Variants in FER observed in about 807,000 individuals in gnomAD.
FER encodes the protein FER tyrosine kinase, also known as tyrosine-protein kinase Fer.
In FER, 63 loss-of-function variants were observed where a neutral mutation model predicts 111.0. That is an observed-to-expected ratio of 0.57 (90% CI 0.46 to 0.70). The LOEUF is 0.70. FER is among the 30% of genes least tolerant of loss of function. FER has a pLI of 0.00. For synonymous variants in FER, 327 were observed against 313.9 expected, an observed-to-expected ratio of 1.04 and a Z score of -0.44; for missense variants, 914 against 954.0, an observed-to-expected ratio of 0.96 and a Z score of 0.55.
intron 17 of FER, among the ~76,000 whole-genome samples, chr5:109,118,561 G>C (rs1242598827): frequency 6.6e-6 from 1 of 152,116 alleles, no homozygotes; most frequent in Admixed American, 6.5e-5. Context: ...CTATTGATTG[G>C]AATAGTTTCA....
At chr5:108,992,856 A>G (rs1260235218) in intron 13 of FER, among the ~76,000 whole-genome samples, 3 of 147,648 alleles carry the variant, frequency 2.0e-5, no homozygotes, top group Admixed American at 6.7e-5. Flanking sequence ...CTCACCTCCC[A>G]GACGGGGTCG....
intron 2 of FER, among the ~76,000 whole-genome samples, chr5:108,772,183 G>A (rs1248447944): frequency 2.0e-5 from 3 of 151,934 alleles, no homozygotes; most frequent in Non-Finnish European, 4.4e-5. Flanking sequence ...GTCACCTCCT[G>A]AGGGCCCCTA....
At chr5:108,755,472 A>C (rs1329804511) in intron 1 of FER, among the ~76,000 whole-genome samples, 1 of 152,066 alleles carries the variant, frequency 6.6e-6, no homozygotes, top group Non-Finnish European at 1.5e-5. Context: ...CTCTTCTAGC[A>C]GTGTTCAGGG....
At chr5:109,169,202 A>G (rs1756848695) in intron 17 of FER, among the ~76,000 whole-genome samples, 1 of 152,172 alleles carries the variant, frequency 6.6e-6, no homozygotes, top group South Asian at 2.1e-4. Flanking sequence ...GAGCTACAAG[A>G]AAAGTAGCTA....
intron 17 of FER, among the ~76,000 whole-genome samples, chr5:109,125,805 T>C (rs1751639709): frequency 2.0e-5 from 3 of 152,206 alleles, no homozygotes; most frequent in African/African-American, 4.8e-5. Context: ...TTTTGAGAAA[T>C]AGTTTTAGAA....
chr5:109,086,455 G>A lies in FER; in HGVS notation c.1925-13941G>A, dbSNP rs368235470. ...GAATGGCGGAGAACAGTCTTCCTAG[G>A]TGTTTATCCATTTTATTTAATCTAT... On this transcript the variant is annotated intron_variant, in intron 16 of 19. Transcript: ENST00000281092. Among the ~76,000 whole-genome samples, 6 of 151,524 alleles carry A rather than the reference G, an allele frequency of 4.0e-5. No individual in the cohort carries two copies. In the East Asian group the frequency reaches 7.8e-4, roughly 20 times the overall value.
At position 109,052,204 on chromosome 5, in the gene FER, A is replaced by T; in HGVS notation, c.1924+5006A>T. The T allele has an allele frequency of 5.0e-6, 8 of 1,607,878 alleles. No homozygotes were observed. The South Asian group carries it at 7.7e-5, about 15-fold the overall frequency. On this transcript the variant is annotated intron_variant, in intron 16 of 19. Transcript: ENST00000281092. ...CAGGTACAAGAGTATGGGTACAGACACAAATATGATCTGCAGGACCCAGAA... is the reference window on the plus strand; with the variant it reads ...CAGGTACAAGAGTATGGGTACAGACTCAAATATGATCTGCAGGACCCAGAA...
Position 108,834,435 on chromosome 5 carries a change from T to A in FER, c.382-1273T>A, listed in dbSNP as rs189262195. Among the ~76,000 whole-genome samples the A allele has an allele frequency of 2.7e-3, 411 of 152,198 alleles. 6 individuals carry two copies. The highest frequency in any genetic ancestry group is 9.3e-3 in the African/African-American group (384 of 41,508). On this transcript the variant is annotated intron_variant, in intron 4 of 19. Transcript: ENST00000281092. ...TTTTCTGGCTGGGTGCGGTGGCTCA[T>A]GCCTGTAATCCCAGCACTTTGGGAG...
chr5:108,776,549 A>G (rs1003257251), intron 2 of FER, among the ~76,000 whole-genome samples: 1 of 152,166 alleles, frequency 6.6e-6, no homozygotes, highest in African/African-American at 2.4e-5. Flanking sequence ...ACTTGCATAT[A>G]CCCTTATATT....
intron 3 of FER, among the ~76,000 whole-genome samples, chr5:108,828,597 A>G (rs1759716317): frequency 6.6e-6 from 1 of 151,926 alleles, no homozygotes; most frequent in Non-Finnish European, 1.5e-5. Flanking sequence ...TATTATTGTT[A>G]TTTGCCTATG....
At position 109,104,470 on chromosome 5, in the gene FER, G is replaced by A. The variant is rs148062657; in HGVS notation, c.2048+3951G>A. ...TAATATGACCTGTCAGTATGGGGAC[G>A]ATGATGGGAATAATCAGGGAAACTT... On this transcript the variant is annotated intron_variant, in intron 17 of 19. Coordinates refer to ENST00000281092, the MANE Select transcript of FER (RefSeq NM_005246.4). 3.8e-3 allele frequency among the ~76,000 whole-genome samples: 585 copies of A among 152,244 alleles called. 13 individuals carry two copies. The highest frequency in any genetic ancestry group is 7.3e-4 in the Non-Finnish European group (50 of 68,034).
intron 17 of FER, among the ~76,000 whole-genome samples, chr5:109,170,585 A>G (rs1757004221): frequency 6.6e-6 from 1 of 152,164 alleles, no homozygotes; most frequent in South Asian, 2.1e-4. Flanking sequence ...ATTAGGGATA[A>G]TAGGTTAAGT....
At position 108,808,217 on chromosome 5, in the gene FER, G is replaced by A. The variant is rs188483562; in HGVS notation, c.207+9828G>A. Among the ~76,000 whole-genome samples the A allele has an allele frequency of 3.9e-5, 6 of 151,992 alleles. No individual in the cohort carries two copies. In the East Asian group the frequency reaches 1.2e-3, roughly 29 times the overall value. On this transcript the variant is annotated intron_variant, in intron 3 of 19. Coordinates refer to ENST00000281092, the MANE Select transcript of FER (RefSeq NM_005246.4). Reference sequence around the variant, plus strand: ...TGATCTGTCTGATGCTATCAGTGGGGTGTTGTGTGGCTGTCTGTGTCTTTT... The same window carrying A: ...TGATCTGTCTGATGCTATCAGTGGGATGTTGTGTGGCTGTCTGTGTCTTTT...
chr5:109,127,491 C>T (rs566750838), intron 17 of FER, among the ~76,000 whole-genome samples: 2 of 152,246 alleles, frequency 1.3e-5, no homozygotes, highest in African/African-American at 4.8e-5. Context: ...GCAATCTCCA[C>T]CTCCCAGGTT....
chr5:109,187,778 G>T lies in FER; in HGVS notation c.*203G>T. On this transcript the variant is annotated 3_prime_UTR_variant, in exon 20 of 20. Transcript: ENST00000281092. ...TTAAAGAAATAGGCAGTCCTACCAA[G>T]GGCTTTCTTAGCTAACCATAGCAAT... 1 of 601,346 alleles carries T rather than the reference G, an allele frequency of 1.7e-6. No homozygotes were observed. Among genetic ancestry groups the T allele is most frequent in the Non-Finnish European group, 2.8e-6 (1 of 351,168 alleles). 37.3% of individuals were successfully genotyped at this position (601,346 alleles called of 1,614,324 possible). A position where few individuals can be genotyped will look rare whatever the true frequency, so the allele number is the denominator to read the frequency against.
intron 16 of FER, among the ~76,000 whole-genome samples, chr5:109,083,719 T>A (rs1288037890): frequency 2.0e-5 from 3 of 151,966 alleles, no homozygotes; most frequent in Non-Finnish European, 2.9e-5. Context: ...CAGGGATGTA[T>A]CTTTAGTGAG....
chr5:109,173,070 T>A (rs1324622668), intron 17 of FER, among the ~76,000 whole-genome samples: 1 of 152,228 alleles, frequency 6.6e-6, no homozygotes, highest in Non-Finnish European at 1.5e-5. Context: ...GGAATATGAT[T>A]TCTAAGCTAA....
chr5:108,959,784 C>T (rs539123366), intron 13 of FER, among the ~76,000 whole-genome samples: 4 of 152,146 alleles, frequency 2.6e-5, no homozygotes. Context: ...AAAAATTAGT[C>T]TACTCTTCAC....
At chr5:108,941,735 A>G (rs944029410) in intron 10 of FER, among the ~76,000 whole-genome samples, 3 of 152,214 alleles carry the variant, frequency 2.0e-5, no homozygotes, top group Admixed American at 6.6e-5. Flanking sequence ...GATGCTCATC[A>G]GGAAGCTGGT....
Sources: allele counts gnomAD v4.1 joint callset (sites outside exome capture counted in the v4.1 genomes callset), GRCh38; gene constraint gnomAD v4.1.1; transcripts MANE v1.5; gene names NCBI Gene and HGNC (gene_info 2026-07-23, HGNC 2026-07-21).